The following RPS6KA3 variants were observed in gnomAD, a reference collection of about 807,000 sequenced individuals.
The protein encoded by RPS6KA3 is ribosomal protein S6 kinase A3.
A neutral mutation model predicts 67.2 loss-of-function variants in RPS6KA3; 4 were observed. The observed-to-expected ratio is 0.06, with a 90% confidence interval of 0.03 to 0.14. The LOEUF is 0.14. Ranked by LOEUF, RPS6KA3 falls within the 10% of genes least tolerant of loss-of-function variation. RPS6KA3 has a pLI of 1.00. For synonymous variants in RPS6KA3, 182 were observed against 183.7 expected, an observed-to-expected ratio of 0.99 and a Z score of 0.07; for missense variants, 204 against 559.0, an observed-to-expected ratio of 0.36 and a Z score of 6.40.
At chrX:20,180,472 T>G (rs1020514494) in intron 10 of RPS6KA3, among the ~76,000 whole-genome samples, 3 of 111,939 alleles carry the variant, frequency 2.7e-5, no homozygotes, top group African/African-American at 9.7e-5. Context: ...CCAGAACTGG[T>G]TTTAAATCCT....
chrX:20,196,762 T>C (rs1366205397), intron 4 of RPS6KA3, among the ~76,000 whole-genome samples: 1 of 112,079 alleles, frequency 8.9e-6, no homozygotes, highest in East Asian at 2.8e-4. Context: ...GTCCAGTTAG[T>C]ATATCAAATT....
intron 10 of RPS6KA3, among the ~76,000 whole-genome samples, chrX:20,183,452 G>A (rs1241903556): frequency 1.8e-5 from 2 of 111,375 alleles, no homozygotes; most frequent in Admixed American, 9.6e-5. Context: ...ACAGGTGTGA[G>A]CCACCACTCC....
At chrX:20,191,441 G>A (rs1004585654) in intron 7 of RPS6KA3, among the ~76,000 whole-genome samples, 4 of 111,473 alleles carry the variant, frequency 3.6e-5, no homozygotes, top group Non-Finnish European at 7.5e-5. Context: ...TTGAGGAATC[G>A]CCACACTGTC....
At chrX:20,253,536 G>A (rs947118664) in intron 1 of RPS6KA3, among the ~76,000 whole-genome samples, 4 of 110,853 alleles carry the variant, frequency 3.6e-5, no homozygotes, top group African/African-American at 1.3e-4. Context: ...GAGTGTTCCT[G>A]TGCTTGTTTG....
chrX:20,222,169 G>T (rs1389381586), intron 2 of RPS6KA3, among the ~76,000 whole-genome samples: 1 of 112,464 alleles, frequency 8.9e-6, no homozygotes, highest in East Asian at 2.8e-4. Context: ...TCCTCAAACA[G>T]AATGAACAGC....
intron 1 of RPS6KA3, among the ~76,000 whole-genome samples, chrX:20,248,573 G>A (rs1322759201): frequency 3.6e-5 from 4 of 111,237 alleles, no homozygotes; most frequent in African/African-American, 9.8e-5. Flanking sequence ...TCCGCCTCCC[G>A]GGTTCATGCC....
chrX:20,265,328 C>G (rs923438674), intron 1 of RPS6KA3, among the ~76,000 whole-genome samples: 1 of 111,771 alleles, frequency 8.9e-6, no homozygotes, highest in African/African-American at 3.3e-5. Flanking sequence ...TGTCCCGCAT[C>G]TCAAGATTAA....
chrX:20,188,969 T>C (rs1189125280), intron 7 of RPS6KA3, among the ~76,000 whole-genome samples: 4 of 112,351 alleles, frequency 3.6e-5, no homozygotes, highest in African/African-American at 1.3e-4. Flanking sequence ...GAATAGGGTA[T>C]CACTATGTTG....
chrX:20,185,229 G>C (rs149853951), intron 10 of RPS6KA3, among the ~76,000 whole-genome samples: 5,158 of 112,073 alleles, frequency 0.046, 290 homozygotes, highest in African/African-American at 0.16. Flanking sequence ...TTACAGGTGT[G>C]AGCCACTGTG....
At position 20,172,735 on chromosome X, in the gene RPS6KA3, A is replaced by G. The variant is rs747034768; in HGVS notation, c.1353+11T>C. The G allele has an allele frequency of 3.4e-6, 4 of 1,175,315 alleles. No individual in the cohort carries two copies. The East Asian group carries it at 1.2e-4, about 37-fold the overall frequency. ...ACTGTATGAATTGCATTTTAAATAA[A>G]AAAAATTTACCTTCACTGCAAACTC... On this transcript the variant is annotated intron_variant, in intron 15 of 21. Coordinates refer to ENST00000379565, the MANE Select transcript of RPS6KA3 (RefSeq NM_004586.3).
chrX:20,198,420 A>G (rs1167894651), intron 4 of RPS6KA3, among the ~76,000 whole-genome samples: 1 of 112,338 alleles, frequency 8.9e-6, no homozygotes, highest in Non-Finnish European at 1.9e-5. Flanking sequence ...AAGGCTCTAA[A>G]CATGAAAAAC....
At chrX:20,169,570 G>T in intron 15 of RPS6KA3, 79 bp from the exon 16 acceptor site, 1 of 606,839 alleles carries the variant, frequency 1.6e-6, no homozygotes, top group Non-Finnish European at 2.9e-6. Flanking sequence ...ACAGACCTTG[G>T]GTATTACCTC....
intron 10 of RPS6KA3, among the ~76,000 whole-genome samples, chrX:20,180,210 C>T (rs2067808785): frequency 9.1e-6 from 1 of 110,019 alleles, no homozygotes; most frequent in South Asian, 3.9e-4. Flanking sequence ...TAAAAGCATG[C>T]CAGGGAACTT....
chrX:20,256,172 CAAAAAAAAAAAAAAAA>C (rs35947983), intron 1 of RPS6KA3, among the ~76,000 whole-genome samples: 2 of 14,471 alleles, frequency 1.4e-4, no homozygotes, highest in Non-Finnish European at 2.5e-4. Flanking sequence ...GACACCGTCT[CAAAAAAAAAAAAAAAA>C]AAAAAAAAAA....
chrX:20,251,846 G>A (rs1665873340), intron 1 of RPS6KA3, among the ~76,000 whole-genome samples: 1 of 112,149 alleles, frequency 8.9e-6, no homozygotes, highest in Admixed American at 9.4e-5. Context: ...TTGGGATTCA[G>A]TCAGCTTCCT....
At chrX:20,192,288 C>T (rs1421489959) in intron 7 of RPS6KA3, among the ~76,000 whole-genome samples, 1 of 110,384 alleles carries the variant, frequency 9.1e-6, no homozygotes, top group African/African-American at 3.3e-5. Flanking sequence ...GCTCAGTTCA[C>T]ACTTAAAATT....
intron 2 of RPS6KA3, among the ~76,000 whole-genome samples, chrX:20,234,319 T>C (rs2069350959): frequency 9.0e-6 from 1 of 110,653 alleles, no homozygotes; most frequent in South Asian, 3.9e-4. Context: ...TTACAAAAAT[T>C]CAAAAATTAG....
At chrX:20,156,033 TG>T in intron 21 of RPS6KA3, 75 bp downstream of exon 21, 1 of 1,044,214 alleles carries the variant, frequency 9.6e-7, no homozygotes, top group Non-Finnish European at 1.3e-6. Flanking sequence ...AGAAAGGTGC[TG>T]GGGGCATGGA....
In RPS6KA3 at chrX:20,158,109, C is replaced by T. The variant is rs773401553; in HGVS notation, c.1960-1860G>A. Reference sequence around the variant, plus strand: ...ATGTAATGGAGAAAATTGGGCTGGGCGTGGGAGAAATTTGGGAGGCCAAAG... The same window carrying T: ...ATGTAATGGAGAAAATTGGGCTGGGTGTGGGAGAAATTTGGGAGGCCAAAG... On this transcript the variant is annotated intron_variant, in intron 20 of 21. Transcript: ENST00000379565. Among the ~76,000 whole-genome samples, 11 of 109,095 alleles carry T rather than the reference C, an allele frequency of 1.0e-4. No individual in the cohort carries two copies. The South Asian group carries it at 4.0e-3, about 39-fold the overall frequency. The allele number at this position is 109,095 out of a possible 115,157, so 94.7% of individuals were successfully genotyped here.
Sources: allele counts gnomAD v4.1 joint callset (sites outside exome capture counted in the v4.1 genomes callset), GRCh38; gene constraint gnomAD v4.1.1; transcripts MANE v1.5; gene names NCBI Gene and HGNC (gene_info 2026-07-23, HGNC 2026-07-21).